MOB3B: variants seen among roughly 807,000 people sequenced by gnomAD.
The protein encoded by MOB3B is MOB kinase activator-like 2B.
Under a neutral mutation model 18.7 loss-of-function variants are expected in MOB3B, and 7 were observed. The ratio of observed to expected loss-of-function variants is 0.37; its 90% confidence interval spans 0.21 to 0.70. The LOEUF (loss-of-function observed/expected upper bound fraction) is 0.70, where lower values mean the gene tolerates loss of function less well. Among genes scored for constraint, MOB3B ranks in the 30% least tolerant of loss-of-function variants. The pLI is 0.52. For missense variants in MOB3B, 253 were observed against 281.3 expected, an observed-to-expected ratio of 0.90 and a Z score of 0.72; for synonymous variants, 111 against 99.9, an observed-to-expected ratio of 1.11 and a Z score of -0.66.
chr9:27,502,242 G>A (rs1273517481), intron 1 of MOB3B, among the ~76,000 whole-genome samples: 1 of 152,156 alleles, frequency 6.6e-6, no homozygotes. Flanking sequence ...ATATCCTCAG[G>A]TCCAGCACTT....
chr9:27,358,892 C>T (rs543716743), intron 3 of MOB3B, 142 bp downstream of exon 3: 2 of 873,364 alleles, frequency 2.3e-6, no homozygotes, highest in Non-Finnish European at 3.9e-6. Flanking sequence ...TGTTAGTTGA[C>T]CACTAAACCC....
intron 1 of MOB3B, among the ~76,000 whole-genome samples, chr9:27,476,715 G>A (rs1819558366): frequency 6.6e-6 from 1 of 152,178 alleles, no homozygotes; most frequent in African/African-American, 2.4e-5. Flanking sequence ...TGGCTGCCAT[G>A]AGACTATGCC....
intron 2 of MOB3B, among the ~76,000 whole-genome samples, chr9:27,430,469 T>G (rs950294088): frequency 1.3e-5 from 2 of 151,940 alleles, no homozygotes; most frequent in Non-Finnish European, 2.9e-5. Flanking sequence ...AGGGTAGGAG[T>G]GCGGACTCTG....
At chr9:27,411,799 A>G (rs1348705787) in intron 2 of MOB3B, among the ~76,000 whole-genome samples, 1 of 152,256 alleles carries the variant, frequency 6.6e-6, no homozygotes, top group Admixed American at 6.5e-5. Context: ...AACTATACAC[A>G]ACACAGAGTC....
intron 3 of MOB3B, 141 bp from the exon 4 acceptor site, chr9:27,330,757 A>G (rs1820775344): frequency 6.4e-6 from 8 of 1,254,828 alleles, no homozygotes; most frequent in Non-Finnish European, 8.8e-6. Context: ...AAGGCTTAGC[A>G]TGAGGGTATG....
chr9:27,452,714 G>T (rs1316584495), intron 2 of MOB3B, among the ~76,000 whole-genome samples: 1 of 152,186 alleles, frequency 6.6e-6, no homozygotes, highest in African/African-American at 2.4e-5. Context: ...CCTGTCATTT[G>T]TGACATGAAT....
intron 2 of MOB3B, among the ~76,000 whole-genome samples, chr9:27,437,761 A>G (rs1822533923): frequency 6.6e-6 from 1 of 152,160 alleles, no homozygotes; most frequent in African/African-American, 2.4e-5. Context: ...TGCCTGCCTT[A>G]TATTTGACAG....
At chr9:27,455,964 A>T (rs1822863240) in intron 1 of MOB3B, among the ~76,000 whole-genome samples, 1 of 152,206 alleles carries the variant, frequency 6.6e-6, no homozygotes, top group Admixed American at 6.5e-5. Flanking sequence ...TGTTTTGTTC[A>T]TGGCCTTTGT....
intron 1 of MOB3B, among the ~76,000 whole-genome samples, chr9:27,508,177 G>T (rs1483853074): frequency 1.3e-5 from 2 of 152,206 alleles, no homozygotes; most frequent in Non-Finnish European, 2.9e-5. Context: ...AGTTCCTGAA[G>T]AAAGTATTCC....
chr9:27,430,572 AG>A (rs1237433138), intron 2 of MOB3B, among the ~76,000 whole-genome samples: 5 of 152,204 alleles, frequency 3.3e-5, no homozygotes, highest in African/African-American at 1.2e-4. Flanking sequence ...AAATATAAAA[AG>A]GTTTGAAACC....
chr9:27,330,781 T>C (rs1391295261), intron 3 of MOB3B, among the ~76,000 whole-genome samples, 165 bp from the exon 4 acceptor site: 2 of 137,008 alleles, frequency 1.5e-5, no homozygotes, highest in African/African-American at 2.7e-5. Context: ...CATCTGTTTG[T>C]TCTGCAGAAT....
intron 1 of MOB3B, among the ~76,000 whole-genome samples, chr9:27,456,754 T>G (rs561069622): frequency 6.6e-6 from 1 of 152,194 alleles, no homozygotes; most frequent in East Asian, 1.9e-4. Context: ...AATGCAAATG[T>G]GTTATATCTA....
At chr9:27,388,382 G>C (rs536366584) in intron 2 of MOB3B, among the ~76,000 whole-genome samples, 1 of 152,284 alleles carries the variant, frequency 6.6e-6, no homozygotes. Context: ...TTTCATATTA[G>C]CACTGACCAG....
chr9:27,517,486 A>AAAAATAC (rs531800686), intron 1 of MOB3B, among the ~76,000 whole-genome samples: 267 of 152,020 alleles, frequency 1.8e-3, no homozygotes, highest in African/African-American at 6.3e-3. Context: ...AGTCTCTACT[A>AAAAATAC]AAAATACAAA....
At chr9:27,364,208 T>C (rs76640022) in intron 2 of MOB3B, among the ~76,000 whole-genome samples, 1,813 of 152,330 alleles carry the variant, frequency 0.012, 35 homozygotes, top group African/African-American at 0.041. Flanking sequence ...TGGGGAGCTG[T>C]GCATGGCTGG....
At chr9:27,413,791 T>G (rs1346665383) in intron 2 of MOB3B, among the ~76,000 whole-genome samples, 1 of 152,204 alleles carries the variant, frequency 6.6e-6, no homozygotes, top group Non-Finnish European at 1.5e-5. Flanking sequence ...TCTGAGCAAC[T>G]GGGTAAATCT....
Position 27,343,478 on chromosome 9 carries a change from T to TA in MOB3B, c.622-12863dup, listed in dbSNP as rs779124158. 3.1e-3 allele frequency among the ~76,000 whole-genome samples: 262 copies of TA among 84,300 alleles called. 2 individuals carry two copies. The highest frequency in any genetic ancestry group is 0.01 in the South Asian group (23 of 2,240). The allele number at this position is 84,300 out of a possible 152,430, so 55.3% of individuals were successfully genotyped here. ...ACACCCAAGAATGCTCAATAAATAC[T>TA]AAAAAAAAAAAAAAAAAAAAAAGAA... On this transcript the variant is annotated intron_variant, in intron 3 of 3. Transcript: ENST00000262244.
At chr9:27,458,941 C>A (rs725804) in intron 1 of MOB3B, among the ~76,000 whole-genome samples, 68,944 of 151,626 alleles carry the variant, frequency 0.45, 16,459 homozygotes, top group African/African-American at 0.55. Context: ...AGACATGAGG[C>A]TGTCTCTTTA....
At chr9:27,507,449 C>T (rs1454536139) in intron 1 of MOB3B, among the ~76,000 whole-genome samples, 2 of 152,210 alleles carry the variant, frequency 1.3e-5, no homozygotes, top group East Asian at 1.9e-4. Flanking sequence ...ATGGTGCTTA[C>T]AATGCGCACT....
Sources: allele counts gnomAD v4.1 joint callset (sites outside exome capture counted in the v4.1 genomes callset), GRCh38; gene constraint gnomAD v4.1.1; transcripts MANE v1.5; gene names NCBI Gene and HGNC (gene_info 2026-07-23, HGNC 2026-07-21).